The following THSD4 variants were observed in gnomAD, a reference collection of about 807,000 sequenced individuals.
THSD4 encodes the protein thrombospondin type-1 domain-containing protein 4.
THSD4 carries 69 observed loss-of-function variants against 119.0 expected under a neutral mutation model. The observed-to-expected ratio is 0.58, with a 90% CI of 0.48 to 0.71. THSD4 has a LOEUF of 0.71. Ranked by LOEUF, THSD4 falls within the 30% of genes least tolerant of loss-of-function variation. The pLI, the probability that THSD4 is intolerant of heterozygous loss-of-function variation, is 0.00. For missense variants in THSD4, 1,393 were observed against 1,391.1 expected (o/e 1.00, Z -0.02); for synonymous variants, 524 against 540.4 (o/e 0.97, Z 0.42).
At chr15:71,435,443 A>G (rs1227784847) in intron 7 of THSD4, among the ~76,000 whole-genome samples, 1 of 152,174 alleles carries the variant, frequency 6.6e-6, no homozygotes, top group Admixed American at 6.5e-5. Context: ...TACCAATAAG[A>G]TAGTTGTTTA....
chr15:71,278,434 C>T (rs1423318071), intron 6 of THSD4, among the ~76,000 whole-genome samples: 1 of 152,196 alleles, frequency 6.6e-6, no homozygotes, highest in Non-Finnish European at 1.5e-5. Context: ...ATCCACCTGC[C>T]TCAACCTGCC....
intron 6 of THSD4, among the ~76,000 whole-genome samples, chr15:71,401,194 C>A (rs1214659323): frequency 6.6e-6 from 1 of 152,126 alleles, no homozygotes; most frequent in African/African-American, 2.4e-5. Flanking sequence ...TTTTGCTTCC[C>A]TAGAAGGCAG....
intron 1 of THSD4, among the ~76,000 whole-genome samples, chr15:71,137,190 C>T (rs118092058): frequency 0.032 from 4,810 of 152,134 alleles, 115 homozygotes; most frequent in Middle Eastern, 0.065. Context: ...CCTCAAAAGG[C>T]GGACAGAGCT....
intron 8 of THSD4, among the ~76,000 whole-genome samples, chr15:71,663,115 G>T (rs1460840495): frequency 1.3e-5 from 2 of 152,024 alleles, no homozygotes; most frequent in Non-Finnish European, 2.9e-5. Flanking sequence ...AGCCAGATGC[G>T]GTGACACATG....
intron 7 of THSD4, among the ~76,000 whole-genome samples, chr15:71,581,922 A>G (rs1213956172): frequency 6.6e-6 from 1 of 152,116 alleles, no homozygotes; most frequent in African/African-American, 2.4e-5. Context: ...GTAGCATTAT[A>G]ATATTTTGAA....
chr15:71,770,883 G>C (rs1433946641), intron 16 of THSD4, among the ~76,000 whole-genome samples, 181 bp from the exon 17 acceptor site: 4 of 152,192 alleles, frequency 2.6e-5, no homozygotes, highest in Non-Finnish European at 5.9e-5. Context: ...TGGGGATATG[G>C]ATAGGACACA....
chr15:71,158,373 G>A (rs1188377711), intron 3 of THSD4, among the ~76,000 whole-genome samples: 1 of 151,884 alleles, frequency 6.6e-6, no homozygotes, highest in Non-Finnish European at 1.5e-5. Flanking sequence ...GGCTGGTCTT[G>A]AACTCCCGAC....
At chr15:71,770,809 A>G (rs570242486) in intron 16 of THSD4, among the ~76,000 whole-genome samples, 1 of 152,314 alleles carries the variant, frequency 6.6e-6, no homozygotes, top group South Asian at 2.1e-4. Flanking sequence ...TACAGCCTGA[A>G]GTATATGGAA....
intron 7 of THSD4, among the ~76,000 whole-genome samples, chr15:71,608,961 A>C (rs72740646): frequency 0.2 from 29,716 of 152,158 alleles, 3,256 homozygotes; most frequent in Non-Finnish European, 0.25. Context: ...AGAGGACATC[A>C]GTCTCTCCCT....
At chr15:71,434,785 C>G (rs1030744812) in intron 7 of THSD4, among the ~76,000 whole-genome samples, 11 of 152,084 alleles carry the variant, frequency 7.2e-5, no homozygotes, top group Non-Finnish European at 1.6e-4. Flanking sequence ...ACAGACCTTT[C>G]TTTTTGAAAC....
chr15:71,524,558 G>C (rs1055950503), intron 7 of THSD4, among the ~76,000 whole-genome samples: 1 of 146,644 alleles, frequency 6.8e-6, no homozygotes, highest in Non-Finnish European at 1.5e-5. Flanking sequence ...AGATGGAGAT[G>C]AGCTAAGAGC....
At chr15:71,548,453 A>G (rs2140853394) in intron 7 of THSD4, among the ~76,000 whole-genome samples, 1 of 152,314 alleles carries the variant, frequency 6.6e-6, no homozygotes, top group East Asian at 1.9e-4. Context: ...CCCTTGTCTA[A>G]GAAGAGTGGA....
chr15:71,240,599 A>ATT (rs2044143557), intron 4 of THSD4, among the ~76,000 whole-genome samples: 1 of 152,008 alleles, frequency 6.6e-6, no homozygotes, highest in African/African-American at 2.4e-5. Flanking sequence ...CCACATGTCC[A>ATT]TTTCTCTGTT....
At chr15:71,440,355 G>C (rs1489288967) in intron 7 of THSD4, among the ~76,000 whole-genome samples, 1 of 152,010 alleles carries the variant, frequency 6.6e-6, no homozygotes, top group Admixed American at 6.5e-5. Flanking sequence ...AGTTTCTAAA[G>C]GCCTAATTTA....
intron 7 of THSD4, among the ~76,000 whole-genome samples, chr15:71,419,111 C>T (rs1566976349): frequency 1.8e-5 from 2 of 108,384 alleles, no homozygotes; most frequent in African/African-American, 3.1e-5. Flanking sequence ...CAAAAACCAA[C>T]TTATCATTTT....
intron 7 of THSD4, among the ~76,000 whole-genome samples, chr15:71,652,456 T>TA (rs1235071785): frequency 6.6e-6 from 1 of 152,226 alleles, no homozygotes; most frequent in African/African-American, 2.4e-5. Flanking sequence ...TGTCAAAAGC[T>TA]ATTTCAGGCC....
At chr15:71,261,392 T>C (rs1405670734) in intron 6 of THSD4, among the ~76,000 whole-genome samples, 3 of 152,110 alleles carry the variant, frequency 2.0e-5, no homozygotes, top group African/African-American at 7.2e-5. Flanking sequence ...TACCAACACA[T>C]TGATTTTGGA....
intron 9 of THSD4, chr15:71,730,737 C>T (rs1052661846): frequency 5.9e-6 from 1 of 169,338 alleles, no homozygotes; most frequent in East Asian, 1.5e-4. Flanking sequence ...GACTTTGTCA[C>T]GCCACCTAGT....
At chr15:71,492,142 A>G (rs1413638064) in intron 7 of THSD4, among the ~76,000 whole-genome samples, 1 of 151,408 alleles carries the variant, frequency 6.6e-6, no homozygotes, top group African/African-American at 2.4e-5. Context: ...GATGTTTTAC[A>G]CTTGATGTTT....
Sources: allele counts gnomAD v4.1 joint callset (sites outside exome capture counted in the v4.1 genomes callset), GRCh38; gene constraint gnomAD v4.1.1; transcripts MANE v1.5; gene names NCBI Gene and HGNC (gene_info 2026-07-23, HGNC 2026-07-21).